Variants in TMEM117 observed in about 807,000 individuals in gnomAD.
The protein encoded by TMEM117 is transmembrane protein 117.
TMEM117 carries 27 observed loss-of-function variants against 52.4 expected under a neutral mutation model. The observed-to-expected ratio is 0.51, with a 90% CI of 0.38 to 0.71. The LOEUF (loss-of-function observed/expected upper bound fraction) is 0.71, where lower values mean the gene tolerates loss of function less well. Among genes scored for constraint, TMEM117 ranks in the 30% least tolerant of loss-of-function variants. The probability of loss-of-function intolerance (pLI) is 0.00; values close to 1 mark genes in which losing one functional copy is unlikely to be tolerated. For missense variants in TMEM117, 556 were observed against 630.5 expected, an observed-to-expected ratio of 0.88 and a Z score of 1.26; for synonymous variants, 215 against 206.3, an observed-to-expected ratio of 1.04 and a Z score of -0.36.
chr12:44,017,233 C>CTGTGTGTGTGTGTGTGTGTGTGTGTG (rs143648069), intron 3 of TMEM117, among the ~76,000 whole-genome samples: 2,374 of 147,280 alleles, frequency 0.016, 34 homozygotes, highest in Middle Eastern at 0.053. Context: ...ATGAAGCCTT[C>CTGTGTGTGTGTGTGTGTGTGTGTGTG]TGTGTGTGTG....
intron 3 of TMEM117, chr12:44,009,071 T>C (rs1946248257): frequency 5.4e-6 from 2 of 369,612 alleles, no homozygotes; most frequent in Admixed American, 8.0e-5. Flanking sequence ...GTTTCTCTCC[T>C]GTGTGGTGTT....
chr12:44,355,874 G>T (rs1951640992), intron 6 of TMEM117, among the ~76,000 whole-genome samples: 2 of 152,078 alleles, frequency 1.3e-5, no homozygotes, highest in Admixed American at 6.6e-5. Context: ...TTTGGCAGTG[G>T]TTAGCTGGAG....
chr12:43,861,325 G>A (rs1565722943), intron 2 of TMEM117, among the ~76,000 whole-genome samples: 1 of 152,170 alleles, frequency 6.6e-6, no homozygotes, highest in Non-Finnish European at 1.5e-5. Context: ...TTGTAGAGAT[G>A]GAGGTTCACA....
Position 44,079,062 on chromosome 12 carries a change from C to A in TMEM117, c.411-64463C>A, listed in dbSNP as rs569637926. Among the ~76,000 whole-genome samples the A allele has an allele frequency of 3.0e-3, 460 of 152,230 alleles. 6 individuals are homozygous for A. The highest frequency in any genetic ancestry group is 1.0e-2 in the African/African-American group (415 of 41,522). On this transcript the variant is annotated intron_variant, in intron 3 of 7. Transcript: ENST00000266534. ...TGAACTCATCCTTTTTTTATGGCTG[C>A]ATAGTATCCCATGGTGTATATGTGC...
chr12:43,998,661 C>T (rs1339904675), intron 3 of TMEM117, among the ~76,000 whole-genome samples: 1 of 152,036 alleles, frequency 6.6e-6, no homozygotes, highest in Non-Finnish European at 1.5e-5. Flanking sequence ...TTTGAGTAGA[C>T]AGTTATTTCT....
chr12:44,190,183 A>T (rs947313558), intron 4 of TMEM117, among the ~76,000 whole-genome samples: 3 of 152,224 alleles, frequency 2.0e-5, no homozygotes, highest in Non-Finnish European at 4.4e-5. Flanking sequence ...ATTTTTTAGT[A>T]GCACTCAAAA....
chr12:43,841,442 T>C lies in TMEM117; in HGVS notation c.-28-3182T>C, dbSNP rs2199390. On this transcript the variant is annotated intron_variant, in intron 1 of 7. Transcript: ENST00000266534. ...AGCATTCATGGCATTACTGTGGTAA[T>C]TAAATAAGATCATGTACTAGTGCAG... 7.7e-3 allele frequency among the ~76,000 whole-genome samples: 1,180 copies of C among 152,298 alleles called. 27 individuals carry two copies. Among genetic ancestry groups the C allele is most frequent in the East Asian group, 0.042 (218 of 5,188 alleles).
intron 3 of TMEM117, among the ~76,000 whole-genome samples, chr12:43,990,822 C>T (rs1038052761): frequency 1.3e-5 from 2 of 152,176 alleles, no homozygotes; most frequent in African/African-American, 4.8e-5. Flanking sequence ...GCAATAAAGG[C>T]ACAGTTCTCT....
chr12:44,335,197 C>T (rs984792630), intron 6 of TMEM117, among the ~76,000 whole-genome samples: 1 of 151,906 alleles, frequency 6.6e-6, no homozygotes, highest in Non-Finnish European at 1.5e-5. Context: ...GGCCTGAAGT[C>T]AGATTATGGA....
At chr12:44,239,067 G>T (rs1222496572) in intron 5 of TMEM117, among the ~76,000 whole-genome samples, 1 of 152,062 alleles carries the variant, frequency 6.6e-6, no homozygotes, top group Non-Finnish European at 1.5e-5. Context: ...CCAGTGTAGG[G>T]TTTTAAATTT....
At chr12:43,905,003 C>T (rs372849558) in intron 2 of TMEM117, among the ~76,000 whole-genome samples, 11 of 152,130 alleles carry the variant, frequency 7.2e-5, no homozygotes, top group East Asian at 5.8e-4. Flanking sequence ...ATTAGCTGGG[C>T]GTGGTGGTGC....
chr12:44,267,114 A>G (rs1248356477), intron 5 of TMEM117, among the ~76,000 whole-genome samples: 1 of 152,148 alleles, frequency 6.6e-6, no homozygotes, highest in Non-Finnish European at 1.5e-5. Flanking sequence ...GAGTATGTCC[A>G]TCTTAACGGT....
Position 44,388,616 on chromosome 12 carries a change from A to T in TMEM117, c.1489A>T (p.Ser497Cys), listed in dbSNP as rs779676568. 6.2e-7 allele frequency: 1 copy of T among 1,613,380 alleles called. No individual in the cohort carries two copies. Among genetic ancestry groups the T allele is most frequent in the African/African-American group, 1.3e-5 (1 of 74,872 alleles). The change falls in exon 8 of 8, where the codon AGT becomes TGT. Residue 497 changes from serine (S) to cysteine (C), a missense_variant. Transcript: ENST00000266534. ...GAGCTCACAGTTGAACGAATCTACTAGTGCAACAGAAGCTGATCAAGACCC... is the reference window on the plus strand; with the variant it reads ...GAGCTCACAGTTGAACGAATCTACTTGTGCAACAGAAGCTGATCAAGACCC... Reference protein sequence around the residue: ...NLSSQLNESTSATEADQDPTT... With the variant: ...NLSSQLNESTCATEADQDPTT...
chr12:44,115,158 G>T (rs1004203013), intron 3 of TMEM117, among the ~76,000 whole-genome samples: 29 of 152,108 alleles, frequency 1.9e-4, no homozygotes, highest in African/African-American at 7.0e-4. Context: ...ATTGAATAAA[G>T]ACAGAGCTGC....
intron 3 of TMEM117, among the ~76,000 whole-genome samples, chr12:44,133,475 G>A (rs561152728): frequency 6.6e-6 from 1 of 152,236 alleles, no homozygotes; most frequent in East Asian, 1.9e-4. Context: ...GTGGAATTGT[G>A]GCTTTTCTTC....
At chr12:44,334,273 T>C (rs1951310424) in intron 6 of TMEM117, among the ~76,000 whole-genome samples, 1 of 152,098 alleles carries the variant, frequency 6.6e-6, no homozygotes, top group African/African-American at 2.4e-5. Flanking sequence ...TTATATTCAA[T>C]GTAGGGCTTT....
chr12:43,843,151 C>CT (rs1400657060), intron 1 of TMEM117, among the ~76,000 whole-genome samples: 22 of 151,940 alleles, frequency 1.4e-4, no homozygotes, highest in African/African-American at 4.1e-4. Flanking sequence ...CTGCTGTAGG[C>CT]TTTGTAAAGG....
intron 6 of TMEM117, among the ~76,000 whole-genome samples, chr12:44,301,717 T>C (rs1221189956): frequency 1.3e-5 from 2 of 152,068 alleles, no homozygotes; most frequent in Non-Finnish European, 2.9e-5. Flanking sequence ...TGCCTTCTCT[T>C]TTTTTTTCTC....
At chr12:44,168,243 A>AC (rs1237797614) in intron 4 of TMEM117, among the ~76,000 whole-genome samples, 1 of 138,472 alleles carries the variant, frequency 7.2e-6, no homozygotes, top group Non-Finnish European at 1.5e-5. Flanking sequence ...ACAGAGTGAG[A>AC]CCCCATCTCA....
Sources: allele counts gnomAD v4.1 joint callset (sites outside exome capture counted in the v4.1 genomes callset), GRCh38; gene constraint gnomAD v4.1.1; transcripts MANE v1.5; gene names NCBI Gene and HGNC (gene_info 2026-07-23, HGNC 2026-07-21).